RBFOX1: variants seen among roughly 807,000 people sequenced by gnomAD.
RBFOX1 encodes RNA binding fox-1 homolog 1, also known as RNA binding protein fox-1 homolog 1.
In RBFOX1, 8 loss-of-function variants were observed where a neutral mutation model predicts 57.7. The observed-to-expected ratio is 0.14, with a 90% CI of 0.08 to 0.25. The LOEUF is 0.25. Ranked by LOEUF, RBFOX1 falls within the 10% of genes least tolerant of loss-of-function variation. The pLI is 1.00. For missense variants in RBFOX1, 611 were observed against 548.5 expected (o/e 1.11, Z -1.14); for synonymous variants, 326 against 222.4 (o/e 1.47, Z -4.15).
chr16:7,062,235 CGTGAACCGAGATCATGAGGTTGCA>C (rs1198047554), intron 4 of RBFOX1, among the ~76,000 whole-genome samples: 1 of 145,656 alleles, frequency 6.9e-6, no homozygotes, highest in African/African-American at 2.6e-5. Flanking sequence ...AGGAGAATGC[CGTGAACCGAGATCATGAGGTTGCA>C]GTGAGCCGAG....
At chr16:6,724,374 A>G (rs2066689936) in intron 3 of RBFOX1, among the ~76,000 whole-genome samples, 1 of 151,774 alleles carries the variant, frequency 6.6e-6, no homozygotes, top group Non-Finnish European at 1.5e-5. Flanking sequence ...CATGCCCAGC[A>G]AATTTTTATA....
At chr16:6,757,941 A>G (rs1281798890) in intron 3 of RBFOX1, among the ~76,000 whole-genome samples, 1 of 152,178 alleles carries the variant, frequency 6.6e-6, no homozygotes, top group Non-Finnish European at 1.5e-5. Context: ...GTAAAAAAAG[A>G]TTTTAAACAA....
chr16:6,380,358 C>G (rs1450669339), intron 2 of RBFOX1, among the ~76,000 whole-genome samples: 6 of 145,220 alleles, frequency 4.1e-5, no homozygotes, highest in African/African-American at 1.5e-4. Flanking sequence ...GACCCCTCCC[C>G]AACTTATAAT....
intron 4 of RBFOX1, among the ~76,000 whole-genome samples, chr16:7,413,864 A>C (rs1489702902): frequency 6.6e-6 from 1 of 152,148 alleles, no homozygotes; most frequent in African/African-American, 2.4e-5. Context: ...GATGAGACTC[A>C]TCACTTTGGC....
rs2096674346 is a variant in RBFOX1 at position 6,532,618 on chromosome 16, T to G, written c.-63-121985T>G. ...GAGCGGTAGTCCAGTTTGCTCTACTTCCTGGTGATCGTCTCTTCTCGAGAT... is the reference window on the plus strand; with the variant it reads ...GAGCGGTAGTCCAGTTTGCTCTACTGCCTGGTGATCGTCTCTTCTCGAGAT... On this transcript the variant is annotated intron_variant, in intron 2 of 15. Transcript: ENST00000550418. Among the ~76,000 whole-genome samples, 2 of 152,156 alleles carry G rather than the reference T, an allele frequency of 1.3e-5. 1 individual carries two copies. Among genetic ancestry groups the G allele is most frequent in the South Asian group, 4.2e-4 (2 of 4,818 alleles).
At chr16:7,300,615 T>C (rs2096008769) in intron 4 of RBFOX1, among the ~76,000 whole-genome samples, 1 of 57,618 alleles carries the variant, frequency 1.7e-5, no homozygotes, top group Admixed American at 1.6e-4. Flanking sequence ...TTATAGAAAG[T>C]ATTTTTTTTA....
chr16:6,838,359 C>G (rs1013547070), intron 3 of RBFOX1, among the ~76,000 whole-genome samples: 1 of 152,270 alleles, frequency 6.6e-6, no homozygotes, highest in Middle Eastern at 3.4e-3. Flanking sequence ...ACCATTAACT[C>G]ATTCTTTTTT....
chr16:5,452,920 C>G (rs1268788930), intron 1 of RBFOX1, among the ~76,000 whole-genome samples: 1 of 152,170 alleles, frequency 6.6e-6, no homozygotes, highest in Non-Finnish European at 1.5e-5. Flanking sequence ...GTGTGAACCA[C>G]CACGCTCTGC....
chr16:6,812,003 C>T (rs895314840), intron 3 of RBFOX1, among the ~76,000 whole-genome samples: 2 of 152,138 alleles, frequency 1.3e-5, no homozygotes, highest in African/African-American at 4.8e-5. Context: ...CAGAGGTGGC[C>T]ATGCCATTTC....
rs35528338 is a variant in RBFOX1 at position 6,173,604 on chromosome 16, C to CTTTTTTTT, written c.-126-143375_-126-143368dup. ...GTATGGAGTGGACACTGACCACTCC[C>CTTTTTTTT]TTTTTTTTTTTTTTTTTTTTTTTGA... is the stretch of plus-strand genomic sequence containing the variant. On this transcript the variant is annotated intron_variant, in intron 1 of 15. Coordinates refer to ENST00000550418, the MANE Select transcript of RBFOX1 (RefSeq NM_018723.4). Among the ~76,000 whole-genome samples the CTTTTTTTT allele has an allele frequency of 6.1e-4, 43 of 70,938 alleles. 2 individuals carry two copies. Among genetic ancestry groups the CTTTTTTTT allele is most frequent in the African/African-American group, 1.6e-3 (27 of 17,056 alleles). The allele number at this position is 70,938 out of a possible 152,430, so 46.5% of individuals were successfully genotyped here.
At chr16:6,484,445 C>T (rs902380929) in intron 2 of RBFOX1, among the ~76,000 whole-genome samples, 3 of 96,778 alleles carry the variant, frequency 3.1e-5, no homozygotes, top group Admixed American at 2.0e-4. Context: ...GAGAAATAAG[C>T]TCTGTACCAT....
chr16:6,378,375 C>T (rs1219521079), intron 2 of RBFOX1, among the ~76,000 whole-genome samples: 6 of 152,350 alleles, frequency 3.9e-5, no homozygotes, highest in Middle Eastern at 3.4e-3. Context: ...TCCTTCCCAA[C>T]AGCTCGCTGG....
intron 3 of RBFOX1, among the ~76,000 whole-genome samples, chr16:6,767,155 G>A (rs1231735049): frequency 6.6e-6 from 1 of 152,086 alleles, no homozygotes; most frequent in East Asian, 1.9e-4. Flanking sequence ...CCAGAGAGCT[G>A]GCTCCTTACC....
At chr16:5,992,289 C>A (rs946575843) in intron 4 of RBFOX1, among the ~76,000 whole-genome samples, 1 of 152,072 alleles carries the variant, frequency 6.6e-6, no homozygotes, top group African/African-American at 2.4e-5. Flanking sequence ...AGTGGGATTG[C>A]AATAGATAGG....
intron 3 of RBFOX1, among the ~76,000 whole-genome samples, chr16:5,703,745 G>A (rs1478113644): frequency 6.6e-6 from 1 of 152,050 alleles, no homozygotes; most frequent in Non-Finnish European, 1.5e-5. Context: ...AAATGTGTGT[G>A]TATATATGTG....
At chr16:6,756,146 C>G (rs573392878) in intron 3 of RBFOX1, among the ~76,000 whole-genome samples, 2 of 152,228 alleles carry the variant, frequency 1.3e-5, no homozygotes, top group East Asian at 1.9e-4. Flanking sequence ...CATTTAATTT[C>G]AAGCATTTAA....
intron 15 of RBFOX1, chr16:7,710,157 T>G: frequency 9.7e-7 from 1 of 1,028,454 alleles, no homozygotes; most frequent in Non-Finnish European, 1.2e-6. Flanking sequence ...AAGATCAGAT[T>G]CCATACAGCT....
chr16:6,418,528 T>TA (rs1596959103), intron 2 of RBFOX1, among the ~76,000 whole-genome samples: 1 of 139,784 alleles, frequency 7.2e-6, no homozygotes, highest in African/African-American at 2.7e-5. Flanking sequence ...TATTTTTTTT[T>TA]TTTTTTTTTT....
intron 4 of RBFOX1, among the ~76,000 whole-genome samples, chr16:7,476,758 C>G (rs1294896097): frequency 1.3e-5 from 2 of 152,130 alleles, no homozygotes; most frequent in African/African-American, 2.4e-5. Flanking sequence ...TACCACGAGA[C>G]AAGGGGATGT....
Sources: allele counts gnomAD v4.1 joint callset (sites outside exome capture counted in the v4.1 genomes callset), GRCh38; gene constraint gnomAD v4.1.1; transcripts MANE v1.5; gene names NCBI Gene and HGNC (gene_info 2026-07-23, HGNC 2026-07-21).